TMEM9: variants seen among roughly 807,000 people sequenced by gnomAD.
TMEM9 encodes the protein transmembrane protein 9, also known as proton-transporting V-type ATPase complex assembly regulator TMEM9.
TMEM9 carries 13 observed loss-of-function variants against 22.8 expected under a neutral mutation model. The ratio of observed to expected loss-of-function variants is 0.57; its 90% confidence interval spans 0.37 to 0.91. TMEM9 has a LOEUF of 0.91. Ranked by LOEUF, TMEM9 falls within the 40% of genes least tolerant of loss-of-function variation. The pLI is 0.01. For missense variants in TMEM9, 182 were observed against 238.1 expected (o/e 0.76, Z 1.55); for synonymous variants, 88 against 93.0 (o/e 0.95, Z 0.31).
intron 1 of TMEM9, among the ~76,000 whole-genome samples, chr1:201,162,888 TAGAA>T (rs1243472018): frequency 1.3e-5 from 2 of 151,826 alleles, no homozygotes; most frequent in Non-Finnish European, 2.9e-5. Context: ...AAAATACAAT[TAGAA>T]AGTAGGCAAA....
chr1:201,163,620 A>T (rs1558121709), intron 1 of TMEM9, among the ~76,000 whole-genome samples: 1 of 152,152 alleles, frequency 6.6e-6, no homozygotes, highest in African/African-American at 2.4e-5. Context: ...TAATAAATAA[A>T]AAATATTTTA....
Position 201,140,377 on chromosome 1 carries a change from T to C in TMEM9, c.399+3443A>G, listed in dbSNP as rs74326619. Among the ~76,000 whole-genome samples the C allele has an allele frequency of 1.1e-4, 17 of 152,350 alleles. No individual in the cohort carries two copies. The East Asian group carries it at 3.3e-3, about 29-fold the overall frequency. On this transcript the variant is annotated intron_variant, in intron 4 of 4. Transcript: ENST00000367330. ...TTTGCCGTTTCTGCCCCAGCAAACA[T>C]GCTTGCTTCCTCCTTTCAAAGGACG...
chr1:201,157,088 C>T (rs922705346), upstream of TMEM9, among the ~76,000 whole-genome samples: 1 of 152,178 alleles, frequency 6.6e-6, no homozygotes, highest in Non-Finnish European at 1.5e-5. Flanking sequence ...GACAATAGCT[C>T]TCTGCTACAG....
chr1:201,147,380 C>T (rs900037945), intron 2 of TMEM9, among the ~76,000 whole-genome samples: 7 of 152,140 alleles, frequency 4.6e-5, no homozygotes, highest in Non-Finnish European at 1.0e-4. Flanking sequence ...ACACTTCTAC[C>T]GTCCACTTCA....
At chr1:201,170,799 G>A (rs1305920111) in intron 1 of TMEM9, among the ~76,000 whole-genome samples, 1 of 152,202 alleles carries the variant, frequency 6.6e-6, no homozygotes, top group African/African-American at 2.4e-5. Context: ...TCCAAACGTG[G>A]CCCGCCCTAG....
At chr1:201,170,610 A>G (rs904378305) in intron 1 of TMEM9, among the ~76,000 whole-genome samples, 1 of 152,194 alleles carries the variant, frequency 6.6e-6, no homozygotes, top group Admixed American at 6.5e-5. Context: ...ACAAACAGAT[A>G]TCGGATGTCT....
chr1:201,167,452 G>A (rs1666105890), intron 1 of TMEM9, among the ~76,000 whole-genome samples: 1 of 152,206 alleles, frequency 6.6e-6, no homozygotes, highest in South Asian at 2.1e-4. Flanking sequence ...AGTCCAGGTG[G>A]AGCATGGTGT....
At chr1:201,165,210 A>C (rs1666044484) in intron 1 of TMEM9, among the ~76,000 whole-genome samples, 1 of 145,062 alleles carries the variant, frequency 6.9e-6, no homozygotes, top group Non-Finnish European at 1.5e-5. Flanking sequence ...TTTAGGAGAG[A>C]TAAAAGTCCA....
intron 4 of TMEM9, among the ~76,000 whole-genome samples, chr1:201,143,315 A>T (rs1664684398): frequency 6.6e-6 from 1 of 152,208 alleles, no homozygotes; most frequent in African/African-American, 2.4e-5. Context: ...CATACTTGGC[A>T]ATGTCCCCTG....
At chr1:201,163,889 G>C (rs145259961) in intron 1 of TMEM9, among the ~76,000 whole-genome samples, 132 of 152,166 alleles carry the variant, frequency 8.7e-4, no homozygotes, top group African/African-American at 3.2e-3. Flanking sequence ...ATTTAGCCTA[G>C]AAAAAAGAAG....
At chr1:201,163,716 A>G (rs1273017961) in intron 1 of TMEM9, among the ~76,000 whole-genome samples, 1 of 151,936 alleles carries the variant, frequency 6.6e-6, no homozygotes, top group African/African-American at 2.4e-5. Context: ...AAAAAAAAAT[A>G]GTGACAATTC....
chr1:201,143,935 T>C lies in TMEM9; in HGVS notation c.284A>G (p.Tyr95Cys), dbSNP rs199769307. 4.4e-5 allele frequency: 71 copies of C among 1,613,860 alleles called. No individual in the cohort carries two copies. Among genetic ancestry groups the C allele is most frequent in the South Asian group, 1.4e-4 (13 of 91,070 alleles). Residue 95 changes from tyrosine to cysteine, a missense_variant, in exon 4 of 5, where the codon TAC becomes TGC. Coordinates refer to ENST00000367330, the MANE Select transcript of TMEM9 (RefSeq NM_001288565.2). ...TTTIKVIIVIYLSVVGALLLY... is the reference protein window; with the variant it reads ...TTTIKVIIVICLSVVGALLLY... ...CAACAGGGCACCCACCACGGACAGG[T>C]AGATGACAATGATGACCTGAGGAAG...
upstream of TMEM9, among the ~76,000 whole-genome samples, chr1:201,159,385 G>A (rs907520809): frequency 6.6e-6 from 1 of 152,108 alleles, no homozygotes; most frequent in African/African-American, 2.4e-5. Context: ...ACTGAGCTAA[G>A]GGCAGAGAGC....
At chr1:201,162,267 A>G (rs1320628060) in intron 1 of TMEM9, among the ~76,000 whole-genome samples, 1 of 151,210 alleles carries the variant, frequency 6.6e-6, no homozygotes, top group Non-Finnish European at 1.5e-5. Flanking sequence ...AGTAGCTGGG[A>G]CTATAGGCAT....
chr1:201,151,890 T>A (rs746576360), intron 1 of TMEM9, 38 bp from the exon 2 acceptor site: 1 of 1,548,508 alleles, frequency 6.5e-7, no homozygotes. Flanking sequence ...GCAGAGACCC[T>A]GCCTGGGGTT....
chr1:201,161,278 GAGAA>G (rs1665941267), intron 1 of TMEM9, among the ~76,000 whole-genome samples: 1 of 152,124 alleles, frequency 6.6e-6, no homozygotes, highest in African/African-American at 2.4e-5. Context: ...ATGCTTGTAG[GAGAA>G]TGAGTGAAAA....
Position 201,135,809 on chromosome 1 carries a change from G to C in TMEM9, c.406C>G (p.Arg136Gly). The change falls in exon 5 of 5, where the codon CGC (arginine) becomes GGC (glycine). Residue 136 changes from arginine (R) to glycine (G), a missense_variant. By Grantham distance (125) the Arg-to-Gly change is moderately radical. Coordinates refer to ENST00000367330, the MANE Select transcript of TMEM9 (RefSeq NM_001288565.2). ...LHNEEENEDA[R>G]SMAAAAASLG... ...GATGCAGCAGCTGCTGCCATAGAGC[G>C]AGCATCCTGTAGTGGGAAGAAAAAA... is the stretch of plus-strand genomic sequence containing the variant. 1 of 1,606,392 alleles carries C rather than the reference G, an allele frequency of 6.2e-7. No homozygotes were observed. Among genetic ancestry groups the C allele is most frequent in the Non-Finnish European group, 8.5e-7 (1 of 1,176,620 alleles).
At position 201,143,995 on chromosome 1, in the gene TMEM9, A is replaced by G. The variant is rs778582651; in HGVS notation, c.268-44T>C. 8.7e-6 allele frequency: 14 copies of G among 1,607,198 alleles called. No homozygotes were observed. The East Asian group carries it at 3.1e-4, about 36-fold the overall frequency. On this transcript the variant is annotated intron_variant, in intron 3 of 4. Transcript: ENST00000367330. ...TGCCTATGAACCATTATCTGAGGCC[A>G]GGGCTAGAAATCCGTTGCTAGTCTT...
At chr1:201,146,637 T>A (rs746109910) in intron 3 of TMEM9, 103 bp downstream of exon 3, 10 of 1,240,826 alleles carry the variant, frequency 8.1e-6, no homozygotes, top group Non-Finnish European at 1.1e-5. Context: ...TCATAGCCAT[T>A]GGGACATTCC....
Sources: allele counts gnomAD v4.1 joint callset (sites outside exome capture counted in the v4.1 genomes callset), GRCh38; gene constraint gnomAD v4.1.1; transcripts MANE v1.5; gene names NCBI Gene and HGNC (gene_info 2026-07-23, HGNC 2026-07-21).